Variants in DYNC2H1 observed in about 807,000 individuals in gnomAD.
DYNC2H1 encodes dynein cytoplasmic 2 heavy chain 1, also known as cytoplasmic dynein 2 heavy chain 1.
In DYNC2H1, 410 loss-of-function variants were observed where a neutral mutation model predicts 570.0. The observed-to-expected ratio is 0.72, with a 90% CI of 0.66 to 0.78. The LOEUF is 0.78. Ranked by LOEUF, DYNC2H1 falls within the 30% of genes least tolerant of loss-of-function variation. DYNC2H1 has a pLI of 0.00. For synonymous variants in DYNC2H1, 1,688 were observed against 1,677.6 expected, an observed-to-expected ratio of 1.01 and a Z score of -0.15; for missense variants, 4,865 against 5,046.4, an observed-to-expected ratio of 0.96 and a Z score of 1.09.
rs141899832 is a variant in DYNC2H1 at position 103,313,868 on chromosome 11, G to A, written c.11649+1835G>A. Among the ~76,000 whole-genome samples the A allele has an allele frequency of 7.0e-3, 1,060 of 152,212 alleles. 11 individuals are homozygous for A. The highest frequency in any genetic ancestry group is 0.01 in the Non-Finnish European group (705 of 68,014). ...ACCACACTTATGGGGAGGACTCATT[G>A]ATCATAGTTAACTTGCTCAAAGAAT... On this transcript the variant is annotated intron_variant, in intron 79 of 88. Coordinates refer to ENST00000375735, the MANE Select transcript of DYNC2H1 (RefSeq NM_001377.3).
At chr11:103,399,634 C>A (rs201532820) in intron 83 of DYNC2H1, 29 bp from the exon 84 acceptor site, 3 of 1,506,790 alleles carry the variant, frequency 2.0e-6, no homozygotes, top group South Asian at 1.2e-5. Flanking sequence ...TGTTACTATT[C>A]GGTAAATATT....
In DYNC2H1 at chr11:103,119,797, G is replaced by A. The variant is rs140253972; in HGVS notation, c.1000-650G>A. On this transcript the variant is annotated intron_variant, in intron 6 of 88. Transcript: ENST00000375735. ...ATCAACAGTCTGTAGGGGAAGTGCTGTTACTTAGTTATCAATGCTGTTAGG... is the reference window on the plus strand; with the variant it reads ...ATCAACAGTCTGTAGGGGAAGTGCTATTACTTAGTTATCAATGCTGTTAGG... Among the ~76,000 whole-genome samples, 33 of 152,236 alleles carry A rather than the reference G, an allele frequency of 2.2e-4. No individual in the cohort carries two copies. The East Asian group carries it at 6.2e-3, about 28-fold the overall frequency.
At chr11:103,427,665 C>T (rs1317841126) in intron 84 of DYNC2H1, among the ~76,000 whole-genome samples, 3 of 152,034 alleles carry the variant, frequency 2.0e-5, no homozygotes, top group Admixed American at 6.6e-5. Flanking sequence ...TATCTTCACA[C>T]TGTGGAGGGA....
Position 103,158,765 on chromosome 11 carries a change from GA to G in DYNC2H1, c.4217del (p.Asp1406ValfsTer10). The G allele has an allele frequency of 6.6e-7, 1 of 1,507,044 alleles. No individual in the cohort carries two copies. The highest frequency in any genetic ancestry group is 9.0e-7 in the Non-Finnish European group (1 of 1,114,458). 93.4% of individuals were successfully genotyped at this position (1,507,044 alleles called of 1,614,324 possible). ...GIRNSLLTILDQLQRCQKSLN... is the reference protein window; with the variant it reads ...GIRNSLLTILXQLQRCQKSLN... ...AAGAAATTCTCTACTAACAATACTT[GA>G]TCAGCTTCAAAGATGTCAGAAATCA... On this transcript the variant is annotated frameshift_variant, in exon 27 of 89. Transcript: ENST00000375735. LOFTEE classifies it high-confidence loss of function.
intron 83 of DYNC2H1, among the ~76,000 whole-genome samples, chr11:103,370,009 G>T (rs1256335189): frequency 6.6e-6 from 1 of 152,222 alleles, no homozygotes; most frequent in African/African-American, 2.4e-5. Flanking sequence ...ACACCAAAGA[G>T]GCTCTTGGAG....
At position 103,264,738 on chromosome 11, in the gene DYNC2H1, C is replaced by T. The variant is rs965524922; in HGVS notation, c.10695+4761C>T. 6.6e-6 allele frequency among the ~76,000 whole-genome samples: 1 copy of T among 152,064 alleles called. No homozygotes were observed. The highest frequency in any genetic ancestry group is 2.4e-5 in the African/African-American group (1 of 41,404). ...GACAGACCCACAGCCAATGTCATAC[C>T]GAATGTGAATCAATATCAGTATCAT... On this transcript the variant is annotated intron_variant, in intron 70 of 88. Transcript: ENST00000375735. This position sits in a 1 kb window ranked among gnomAD's most constrained non-coding sequence, Gnocchi z 4.8.
At chr11:103,413,183 A>G (rs922939721) in intron 84 of DYNC2H1, among the ~76,000 whole-genome samples, 1 of 152,240 alleles carries the variant, frequency 6.6e-6, no homozygotes, top group Admixed American at 6.5e-5. Context: ...CACTTTGTGA[A>G]CATTTATGAC....
chr11:103,351,867 G>C (rs2671347), intron 82 of DYNC2H1, among the ~76,000 whole-genome samples: 1 of 151,792 alleles, frequency 6.6e-6, no homozygotes, highest in Non-Finnish European at 1.5e-5. Context: ...CATGTAAACT[G>C]TTGGTGCCTG....
intron 70 of DYNC2H1, among the ~76,000 whole-genome samples, chr11:103,278,331 G>A (rs59689789): frequency 0.055 from 8,393 of 151,998 alleles, 307 homozygotes; most frequent in East Asian, 0.13. Flanking sequence ...AATGTTTATT[G>A]GGCTTTTAGA....
rs151120992 is a variant in DYNC2H1 at position 103,320,545 on chromosome 11, T to C, written c.11726-484T>C. Among the ~76,000 whole-genome samples the C allele has an allele frequency of 1.6e-4, 24 of 152,284 alleles. No individual in the cohort carries two copies. In the East Asian group the frequency reaches 4.4e-3, roughly 28 times the overall value. On this transcript the variant is annotated intron_variant, in intron 80 of 88. Transcript: ENST00000375735. ...TAATGTGTGAAGGTGTTTCATAGAGTTTCCCTGTTAATCAGATTATTTTAT... is the reference window on the plus strand; with the variant it reads ...TAATGTGTGAAGGTGTTTCATAGAGCTTCCCTGTTAATCAGATTATTTTAT...
chr11:103,453,016 G>A (rs1944662976), intron 85 of DYNC2H1, among the ~76,000 whole-genome samples: 1 of 152,002 alleles, frequency 6.6e-6, no homozygotes, highest in Non-Finnish European at 1.5e-5. Flanking sequence ...GTTTGTGCGT[G>A]TATAATATTC....
At chr11:103,173,051 TTTAAA>T (rs1346713021) in intron 34 of DYNC2H1, 26 bp from the exon 35 acceptor site, 4 of 1,092,308 alleles carry the variant, frequency 3.7e-6, no homozygotes, top group Admixed American at 8.1e-5. Flanking sequence ...ATATTTAATA[TTTAAA>T]TTAATATTTT....
intron 28 of DYNC2H1, among the ~76,000 whole-genome samples, chr11:103,159,340 C>G (rs1327652010): frequency 5.9e-5 from 9 of 151,994 alleles, no homozygotes; most frequent in Admixed American, 5.9e-4. Flanking sequence ...ATGTATAGGC[C>G]TTAGTTAGAA....
chr11:103,419,099 T>C (rs576770125), intron 84 of DYNC2H1, among the ~76,000 whole-genome samples: 1 of 151,396 alleles, frequency 6.6e-6, no homozygotes, highest in South Asian at 2.1e-4. Flanking sequence ...CCTGGAATTC[T>C]GGCCAGCCCA....
intron 6 of DYNC2H1, among the ~76,000 whole-genome samples, chr11:103,120,010 TA>T (rs1176383195): frequency 6.6e-6 from 1 of 152,150 alleles, no homozygotes; most frequent in Non-Finnish European, 1.5e-5. Context: ...TGTTTGTAAA[TA>T]ATAAAAAATA....
At chr11:103,335,362 A>T (rs1939061898) in intron 82 of DYNC2H1, among the ~76,000 whole-genome samples, 1 of 152,072 alleles carries the variant, frequency 6.6e-6, no homozygotes, top group African/African-American at 2.4e-5. Flanking sequence ...CCTGGTTTAT[A>T]TGGAATGTTT....
intron 1 of DYNC2H1, among the ~76,000 whole-genome samples, chr11:103,112,553 G>A (rs1040038362): frequency 6.6e-6 from 1 of 152,170 alleles, no homozygotes; most frequent in African/African-American, 2.4e-5. Flanking sequence ...GAATGGCTAT[G>A]TTCTAATAAA....
At chr11:103,370,902 C>T (rs894472186) in intron 83 of DYNC2H1, among the ~76,000 whole-genome samples, 1 of 151,986 alleles carries the variant, frequency 6.6e-6, no homozygotes, top group East Asian at 1.9e-4. Context: ...TCTTCAATGC[C>T]GAGACACCAA....
intron 84 of DYNC2H1, among the ~76,000 whole-genome samples, chr11:103,423,813 A>T (rs890074116): frequency 2.6e-5 from 4 of 152,096 alleles, no homozygotes; most frequent in Admixed American, 2.6e-4. Context: ...AGAAGCACAT[A>T]AAAATGTAGG....
Sources: allele counts gnomAD v4.1 joint callset (sites outside exome capture counted in the v4.1 genomes callset), GRCh38; gene constraint gnomAD v4.1.1; non-coding constraint Gnocchi (gnomAD v3.1); transcripts MANE v1.5; gene names NCBI Gene and HGNC (gene_info 2026-07-23, HGNC 2026-07-21).